Variants in ZFHX3 observed in about 807,000 individuals in gnomAD.
ZFHX3 encodes the protein zinc finger homeobox 3.
A neutral mutation model predicts 279.1 loss-of-function variants in ZFHX3; 42 were observed. The observed-to-expected ratio is 0.15, with a 90% CI of 0.12 to 0.19. ZFHX3 has a LOEUF of 0.19. ZFHX3 is among the 10% of genes least tolerant of loss of function. The probability of loss-of-function intolerance (pLI) is 1.00; values close to 1 mark genes in which losing one functional copy is unlikely to be tolerated. For missense variants in ZFHX3, 4,981 were observed against 4,754.0 expected, an observed-to-expected ratio of 1.05 and a Z score of -1.40; for synonymous variants, 2,293 against 1,957.8, an observed-to-expected ratio of 1.17 and a Z score of -4.52.
chr16:73,636,961 G>A (rs1292062348), intron 2 of ZFHX3, among the ~76,000 whole-genome samples: 1 of 151,690 alleles, frequency 6.6e-6, no homozygotes, highest in Non-Finnish European at 1.5e-5. Flanking sequence ...GAAATTTTGG[G>A]AACAAACATG....
At chr16:73,394,661 A>G (rs1002250469) in intron 3 of ZFHX3, among the ~76,000 whole-genome samples, 1 of 152,200 alleles carries the variant, frequency 6.6e-6, no homozygotes. Flanking sequence ...TATGCTTGTA[A>G]TGGTACAGAA....
intron 2 of ZFHX3, among the ~76,000 whole-genome samples, chr16:73,480,809 C>T (rs1336253734): frequency 6.6e-6 from 1 of 152,180 alleles, no homozygotes; most frequent in African/African-American, 2.4e-5. Flanking sequence ...TATCTACACA[C>T]ATTGGCCCTT....
chr16:73,610,406 T>C (rs4888519), intron 2 of ZFHX3, among the ~76,000 whole-genome samples: 38,873 of 151,984 alleles, frequency 0.26, 5,696 homozygotes, highest in African/African-American at 0.39. Flanking sequence ...GGGAGGCATG[T>C]TTGTTCCCAA....
At chr16:73,217,841 C>G (rs1183485723) in intron 5 of ZFHX3, among the ~76,000 whole-genome samples, 1 of 151,952 alleles carries the variant, frequency 6.6e-6, no homozygotes, top group African/African-American at 2.4e-5. Flanking sequence ...GCGGTCCAGA[C>G]TTCTCTTTGC....
intron 1 of ZFHX3, among the ~76,000 whole-genome samples, chr16:73,705,900 C>G (rs1567556792): frequency 6.6e-6 from 1 of 152,182 alleles, no homozygotes; most frequent in Non-Finnish European, 1.5e-5. Flanking sequence ...CACAGTTCCT[C>G]TGACACTGTA....
At chr16:73,637,860 A>C (rs956829300) in intron 2 of ZFHX3, among the ~76,000 whole-genome samples, 3 of 152,222 alleles carry the variant, frequency 2.0e-5, no homozygotes, top group Admixed American at 6.5e-5. Flanking sequence ...AAAATAAGAC[A>C]AGAACTGACT....
At chr16:73,562,967 C>T (rs1035783404) in intron 2 of ZFHX3, among the ~76,000 whole-genome samples, 1 of 152,122 alleles carries the variant, frequency 6.6e-6, no homozygotes, top group Non-Finnish European at 1.5e-5. Context: ...TAAGGGAAAC[C>T]TTTGCTTGAA....
intron 5 of ZFHX3, among the ~76,000 whole-genome samples, chr16:73,215,018 G>C (rs1191305527): frequency 1.3e-5 from 2 of 151,926 alleles, no homozygotes; most frequent in Non-Finnish European, 1.5e-5. Context: ...TTCTGTAGAG[G>C]GGGCAGGGGG....
Position 72,949,329 on chromosome 16 carries a change from G to A in ZFHX3, c.3216+1140C>T, listed in dbSNP as rs183437926. On this transcript the variant is annotated intron_variant, in intron 3 of 9. Transcript: ENST00000268489. ...AGTGTGAAAGGCAGGAGGAGAGGCT[G>A]ATAATGGGAGTGAGGAAAATGAAAA... 5.3e-5 allele frequency among the ~76,000 whole-genome samples: 8 copies of A among 152,318 alleles called. No individual in the cohort carries two copies. In the East Asian group the frequency reaches 1.5e-3, roughly 29 times the overall value.
intron 2 of ZFHX3, among the ~76,000 whole-genome samples, chr16:73,546,984 A>G (rs1483026536): frequency 6.6e-6 from 1 of 152,166 alleles, no homozygotes. Flanking sequence ...GGCAGAGAAT[A>G]TAACCACATT....
At chr16:73,217,047 C>A (rs139219319) in intron 5 of ZFHX3, among the ~76,000 whole-genome samples, 22 of 152,142 alleles carry the variant, frequency 1.4e-4, no homozygotes, top group African/African-American at 5.1e-4. Context: ...ATAGAGTGAG[C>A]TGAAAGCAGG....
intron 7 of ZFHX3, among the ~76,000 whole-genome samples, chr16:73,094,043 T>C (rs1373513015): frequency 6.6e-6 from 1 of 152,006 alleles, no homozygotes; most frequent in Non-Finnish European, 1.5e-5. Flanking sequence ...TGAGGGAAAG[T>C]TGTGGGGTTG....
chr16:73,799,830 C>G (rs1960092381), intron 1 of ZFHX3, among the ~76,000 whole-genome samples: 1 of 152,054 alleles, frequency 6.6e-6, no homozygotes, highest in South Asian at 2.1e-4. Flanking sequence ...AATCAAAAGT[C>G]CCAATATTGA....
chr16:73,448,041 T>G (rs1032561708), intron 3 of ZFHX3, among the ~76,000 whole-genome samples: 19 of 152,166 alleles, frequency 1.2e-4, no homozygotes, highest in Non-Finnish European at 2.9e-5. Flanking sequence ...AATAAGGACA[T>G]TTGCCAAATC....
chr16:73,211,877 T>A (rs553354227), intron 5 of ZFHX3, among the ~76,000 whole-genome samples: 1 of 152,178 alleles, frequency 6.6e-6, no homozygotes, highest in East Asian at 1.9e-4. Context: ...GGCCTCGGCC[T>A]CACACCTGGC....
At chr16:73,071,476 TGCCGCC>T (rs59328820) in intron 8 of ZFHX3, among the ~76,000 whole-genome samples, 3 of 151,064 alleles carry the variant, frequency 2.0e-5, no homozygotes, top group Admixed American at 1.3e-4. Flanking sequence ...CTGCTGCTGC[TGCCGCC>T]GCCGCCGCCG....
intron 1 of ZFHX3, among the ~76,000 whole-genome samples, chr16:73,709,472 T>C (rs2053336589): frequency 6.6e-6 from 1 of 152,142 alleles, no homozygotes; most frequent in Non-Finnish European, 1.5e-5. Context: ...AACCCTCTCA[T>C]TTGCAACAAC....
chr16:73,398,991 A>G (rs1269429605), intron 3 of ZFHX3, among the ~76,000 whole-genome samples: 1 of 151,504 alleles, frequency 6.6e-6, no homozygotes, highest in Non-Finnish European at 1.5e-5. Flanking sequence ...CAGCCTCCCA[A>G]GTAGCTGGGA....
chr16:73,161,785 G>A (rs1967240868), intron 5 of ZFHX3, among the ~76,000 whole-genome samples: 1 of 152,088 alleles, frequency 6.6e-6, no homozygotes, highest in South Asian at 2.1e-4. Context: ...TTTCTGCAGT[G>A]GGCAAATTTA....
Sources: allele counts gnomAD v4.1 joint callset (sites outside exome capture counted in the v4.1 genomes callset), GRCh38; gene constraint gnomAD v4.1.1; transcripts MANE v1.5; gene names NCBI Gene and HGNC (gene_info 2026-07-23, HGNC 2026-07-21).